The following ASIC2 variants were observed in gnomAD, a reference collection of about 807,000 sequenced individuals.
ASIC2 encodes the protein acid-sensing ion channel 2.
A neutral mutation model predicts 57.3 loss-of-function variants in ASIC2; 25 were observed. The observed-to-expected ratio is 0.44, with a 90% CI of 0.32 to 0.61. ASIC2 has a LOEUF of 0.61. Ranked by LOEUF, ASIC2 falls within the 20% of genes least tolerant of loss-of-function variation. The pLI is 0.06. For missense variants in ASIC2, 641 were observed against 738.1 expected (o/e 0.87, Z 1.52); for synonymous variants, 319 against 307.5 (o/e 1.04, Z -0.39).
At chr17:33,096,265 T>C (rs2092179097) in intron 2 of ASIC2, among the ~76,000 whole-genome samples, 1 of 152,240 alleles carries the variant, frequency 6.6e-6, no homozygotes, top group Non-Finnish European at 1.5e-5. Flanking sequence ...GACCCAGAGC[T>C]GGAGCCTCAC....
At chr17:33,246,496 G>A (rs1023278032) in intron 1 of ASIC2, among the ~76,000 whole-genome samples, 2 of 152,180 alleles carry the variant, frequency 1.3e-5, no homozygotes, top group East Asian at 3.8e-4. Context: ...GCCCAGGTAG[G>A]CCTGGCAGCC....
At chr17:33,942,463 A>T (rs185808254) in intron 1 of ASIC2, among the ~76,000 whole-genome samples, 2 of 152,294 alleles carry the variant, frequency 1.3e-5, no homozygotes, top group East Asian at 3.9e-4. Context: ...CAGCCAATGG[A>T]AGAGCCAAGG....
intron 1 of ASIC2, among the ~76,000 whole-genome samples, chr17:33,141,541 G>A (rs1307196917): frequency 6.6e-6 from 1 of 152,172 alleles, no homozygotes; most frequent in East Asian, 1.9e-4. Flanking sequence ...TACACCCGGT[G>A]ACAGGTTAGT....
chr17:33,432,481 A>T (rs939896543), intron 1 of ASIC2, among the ~76,000 whole-genome samples: 2 of 152,084 alleles, frequency 1.3e-5, no homozygotes, highest in Non-Finnish European at 2.9e-5. Flanking sequence ...GTGAGCCATG[A>T]TCCCTACACT....
At chr17:34,103,664 T>A in intron 1 of ASIC2, among the ~76,000 whole-genome samples, 1 of 152,178 alleles carries the variant, frequency 6.6e-6, no homozygotes, top group East Asian at 1.9e-4. Flanking sequence ...GGCTCACTTT[T>A]TTTTTGCACA....
At chr17:33,982,643 T>C (rs1905668054) in intron 1 of ASIC2, among the ~76,000 whole-genome samples, 1 of 152,216 alleles carries the variant, frequency 6.6e-6, no homozygotes, top group Non-Finnish European at 1.5e-5. Flanking sequence ...GCATAGGTCG[T>C]TTCCTATCAT....
At chr17:34,019,252 T>C (rs1221988428) in intron 1 of ASIC2, among the ~76,000 whole-genome samples, 2 of 152,126 alleles carry the variant, frequency 1.3e-5, no homozygotes, top group African/African-American at 2.4e-5. Context: ...AAGACACTGT[T>C]GAAATGACAA....
At chr17:33,415,563 T>C (rs990177517) in intron 1 of ASIC2, among the ~76,000 whole-genome samples, 11 of 152,082 alleles carry the variant, frequency 7.2e-5, no homozygotes, top group African/African-American at 2.4e-4. Context: ...TAGTTCAAGA[T>C]GGTCCAAATC....
intron 1 of ASIC2, among the ~76,000 whole-genome samples, chr17:33,112,380 C>G (rs1196030803): frequency 6.6e-6 from 1 of 152,150 alleles, no homozygotes; most frequent in Non-Finnish European, 1.5e-5. Flanking sequence ...TCTGTAAACT[C>G]CTGACCCTTC....
At chr17:33,983,536 A>C (rs907431891) in intron 1 of ASIC2, among the ~76,000 whole-genome samples, 2 of 152,120 alleles carry the variant, frequency 1.3e-5, no homozygotes, top group Admixed American at 1.3e-4. Flanking sequence ...AGTGTCTAGA[A>C]CGTGTCACTG....
intron 1 of ASIC2, among the ~76,000 whole-genome samples, chr17:34,057,415 G>A (rs1465756238): frequency 6.6e-6 from 1 of 152,232 alleles, no homozygotes; most frequent in East Asian, 1.9e-4. Flanking sequence ...AAAGCCCAAG[G>A]AGGGTGTGAT....
At chr17:33,752,065 G>GGAGTGAGA (rs1910452813) in intron 1 of ASIC2, among the ~76,000 whole-genome samples, 2 of 152,174 alleles carry the variant, frequency 1.3e-5, no homozygotes, top group African/African-American at 4.8e-5. Flanking sequence ...GCACTGGGAA[G>GGAGTGAGA]GAGTGAAGAG....
rs776992806 is a variant in ASIC2, at chr17:34,156,226, T to A, written c.307A>T (p.Thr103Ser). The A allele has an allele frequency of 1.9e-6, 3 of 1,613,946 alleles. No homozygotes were observed. Among genetic ancestry groups the A allele is most frequent in the African/African-American group, 1.3e-5 (1 of 74,890 alleles). The change falls in exon 1 of 10, where the codon ACC (threonine) becomes TCC (serine). Residue 103 changes from threonine (T) to serine (S), a missense_variant. Thr to Ser is a moderately conservative substitution (Grantham distance 58). Transcript: ENST00000359872. The surrounding 1 kb of genome is among the most constrained non-coding windows in gnomAD (Gnocchi z 4.4). ...CCAGCATGGTACAGGTCATTGGTGG[T>A]GAGCCTGGAGAACCGGAAGCCATTC...
At chr17:33,295,627 A>G (rs759433820), upstream of ASIC2, among the ~76,000 whole-genome samples, 4 of 152,190 alleles carry the variant, frequency 2.6e-5, no homozygotes, top group Non-Finnish European at 5.9e-5. Context: ...CTGCTGGACT[A>G]TGACCCGTTT....
intron 1 of ASIC2, among the ~76,000 whole-genome samples, chr17:33,696,270 G>A (rs552482555): frequency 5.9e-5 from 9 of 152,298 alleles, no homozygotes; most frequent in African/African-American, 1.7e-4. Context: ...TGACAGGCTT[G>A]TACAGACTGA....
intron 1 of ASIC2, among the ~76,000 whole-genome samples, chr17:33,969,242 C>G (rs1047518195): frequency 1.3e-5 from 2 of 152,186 alleles, no homozygotes; most frequent in East Asian, 3.9e-4. Flanking sequence ...ATGTTTATCT[C>G]AGAGCCTCAG....
chr17:33,139,442 C>T (rs1044879328), intron 1 of ASIC2, among the ~76,000 whole-genome samples: 1 of 152,238 alleles, frequency 6.6e-6, no homozygotes, highest in African/African-American at 2.4e-5. Flanking sequence ...AAATATGATC[C>T]CCTTTTTGCT....
chr17:33,442,576 A>G lies in ASIC2; in HGVS notation c.556-330509T>C, dbSNP rs561248530. 7.2e-5 allele frequency among the ~76,000 whole-genome samples: 11 copies of G among 152,296 alleles called. No individual in the cohort carries two copies. In the South Asian group the frequency reaches 1.7e-3, roughly 23 times the overall value. On this transcript the variant is annotated intron_variant, in intron 1 of 9. Transcript: ENST00000359872. ...TATTTTTGGATTATTCATTGCTAGC[A>G]TATAGACATACAATTTATTTTGAAA...
intron 1 of ASIC2, among the ~76,000 whole-genome samples, chr17:33,160,608 TGCAAGTGGCTTG>T (rs1905135533): frequency 6.6e-6 from 1 of 152,240 alleles, no homozygotes; most frequent in South Asian, 2.1e-4. Flanking sequence ...CCCATTCCAT[TGCAAGTGGCTTG>T]GCAGCAGAGA....
Sources: gnomAD v4.1 joint callset for allele counts (sites outside exome capture counted in the v4.1 genomes callset) on GRCh38, gnomAD v4.1.1 for gene constraint, Gnocchi (gnomAD v3.1) non-coding constraint, MANE v1.5 for transcripts, NCBI Gene and HGNC (gene_info 2026-07-23, HGNC 2026-07-21) for gene names.